The following SH3GL2 variants were observed in gnomAD, a reference collection of about 807,000 sequenced individuals.
SH3GL2 encodes the protein SH3 domain containing GRB2 like 2, endophilin A1.
A neutral mutation model predicts 46.0 loss-of-function variants in SH3GL2; 24 were observed. That is an observed-to-expected ratio of 0.52 (90% CI 0.38 to 0.73). SH3GL2 has a LOEUF of 0.73. Ranked by LOEUF, SH3GL2 falls within the 30% of genes least tolerant of loss-of-function variation. The pLI is 0.00. For missense variants in SH3GL2, 413 were observed against 424.2 expected (o/e 0.97, Z 0.23); for synonymous variants, 196 against 147.1 (o/e 1.33, Z -2.40).
At chr9:17,744,348 G>A (rs927236488) in intron 1 of SH3GL2, among the ~76,000 whole-genome samples, 3 of 151,680 alleles carry the variant, frequency 2.0e-5, no homozygotes, top group Non-Finnish European at 2.9e-5. Context: ...GAATATGCTC[G>A]TCAACTCACT....
At chr9:17,756,961 A>G (rs576179063) in intron 2 of SH3GL2, among the ~76,000 whole-genome samples, 10 of 152,218 alleles carry the variant, frequency 6.6e-5, no homozygotes, top group South Asian at 2.1e-4. Context: ...AAGTGTTCCT[A>G]TTTCTCCACA....
chr9:17,725,159 C>G (rs868074182), intron 1 of SH3GL2, among the ~76,000 whole-genome samples: 1 of 152,118 alleles, frequency 6.6e-6, no homozygotes, highest in Non-Finnish European at 1.5e-5. Flanking sequence ...TAAGGTTGTG[C>G]TTAAGCCCCT....
chr9:17,765,540 G>T (rs950095691), intron 3 of SH3GL2, among the ~76,000 whole-genome samples: 6 of 152,196 alleles, frequency 3.9e-5, no homozygotes, highest in African/African-American at 7.2e-5. Flanking sequence ...GTCATATTAT[G>T]TAAAACCCTT....
chr9:17,604,165 T>C (rs1431746325), intron 1 of SH3GL2, among the ~76,000 whole-genome samples: 1 of 152,056 alleles, frequency 6.6e-6, no homozygotes, highest in Non-Finnish European at 1.5e-5. Flanking sequence ...AGAAGTGAGG[T>C]ATTTACCCCC....
intron 1 of SH3GL2, among the ~76,000 whole-genome samples, chr9:17,723,400 T>G (rs893378190): frequency 5.3e-5 from 8 of 152,318 alleles, no homozygotes; most frequent in African/African-American, 1.9e-4. Context: ...GTTTATGAGC[T>G]GTTATTAATA....
chr9:17,764,327 C>T (rs940201939), intron 3 of SH3GL2, among the ~76,000 whole-genome samples: 7 of 152,326 alleles, frequency 4.6e-5, no homozygotes, highest in Admixed American at 4.6e-4. Flanking sequence ...CAGCTTCTTG[C>T]CCTGAGAGTA....
At chr9:17,674,347 A>G (rs1563806772) in intron 1 of SH3GL2, among the ~76,000 whole-genome samples, 1 of 151,828 alleles carries the variant, frequency 6.6e-6, no homozygotes, top group Non-Finnish European at 1.5e-5. Flanking sequence ...GCTCACTGAA[A>G]CCTCCGCCTC....
At chr9:17,785,231 C>T (rs953895925) in intron 3 of SH3GL2, among the ~76,000 whole-genome samples, 2 of 152,138 alleles carry the variant, frequency 1.3e-5, no homozygotes, top group African/African-American at 4.8e-5. Flanking sequence ...ATATCTGGGA[C>T]TCTCCTCAAT....
intron 3 of SH3GL2, among the ~76,000 whole-genome samples, chr9:17,772,737 T>G (rs978485824): frequency 1.3e-5 from 2 of 152,240 alleles, no homozygotes; most frequent in Admixed American, 1.3e-4. Flanking sequence ...TTATATAGAT[T>G]CACCTGTTGA....
intron 1 of SH3GL2, among the ~76,000 whole-genome samples, chr9:17,633,787 A>T (rs1819483963): frequency 6.6e-6 from 1 of 152,186 alleles, no homozygotes; most frequent in Non-Finnish European, 1.5e-5. Context: ...ATTTTGCTGT[A>T]TGTCCATTTG....
At chr9:17,603,429 G>A (rs1053725302) in intron 1 of SH3GL2, among the ~76,000 whole-genome samples, 8 of 152,194 alleles carry the variant, frequency 5.3e-5, no homozygotes, top group Non-Finnish European at 1.2e-4. Context: ...GGTACCTAGA[G>A]TAGTCAAATT....
chr9:17,728,926 C>A (rs1156350769), intron 1 of SH3GL2, among the ~76,000 whole-genome samples: 1 of 152,058 alleles, frequency 6.6e-6, no homozygotes, highest in Admixed American at 6.6e-5. Context: ...AATACTGTGG[C>A]AATAAATATA....
At chr9:17,779,540 C>T (rs1823739306) in intron 3 of SH3GL2, among the ~76,000 whole-genome samples, 2 of 152,026 alleles carry the variant, frequency 1.3e-5, no homozygotes, top group Non-Finnish European at 2.9e-5. Flanking sequence ...GTAATTGAAC[C>T]AAACCCACAG....
At chr9:17,699,074 G>A (rs1346155091) in intron 1 of SH3GL2, among the ~76,000 whole-genome samples, 1 of 145,906 alleles carries the variant, frequency 6.9e-6, no homozygotes, top group African/African-American at 2.5e-5. Flanking sequence ...GGAATCGCTT[G>A]AACCTCAGAG....
chr9:17,638,757 G>A (rs1172880323), intron 1 of SH3GL2, among the ~76,000 whole-genome samples: 1 of 152,184 alleles, frequency 6.6e-6, no homozygotes, highest in Non-Finnish European at 1.5e-5. Context: ...CCTCAGCTAA[G>A]CTGCCAACCT....
intron 1 of SH3GL2, among the ~76,000 whole-genome samples, chr9:17,622,651 C>T (rs1819170303): frequency 6.6e-6 from 1 of 152,088 alleles, no homozygotes; most frequent in South Asian, 2.1e-4. Flanking sequence ...TTGAACAGTA[C>T]CTGTGGTTTT....
At position 17,761,510 on chromosome 9, in the gene SH3GL2, GT is replaced by G; in HGVS notation, c.187+2del. On this transcript the variant is annotated splice_donor_variant, in intron 3 of 8. Transcript: ENST00000380607. LOFTEE classifies it high-confidence loss of function. Reference sequence around the variant, plus strand: ...ATTGAATACCTTCAACCCAATCCAGGTAAGGCATCATCTTATATGTTTAAAG... The same window carrying G: ...ATTGAATACCTTCAACCCAATCCAGGAAGGCATCATCTTATATGTTTAAAG... The G allele has an allele frequency of 6.4e-7, 1 of 1,555,220 alleles. No individual in the cohort carries two copies. Among genetic ancestry groups the G allele is most frequent in the South Asian group, 1.1e-5 (1 of 89,912 alleles).
chr9:17,705,570 C>T (rs1273986352), intron 1 of SH3GL2, among the ~76,000 whole-genome samples: 1 of 151,750 alleles, frequency 6.6e-6, no homozygotes, highest in Non-Finnish European at 1.5e-5. Flanking sequence ...CAACCTAAGT[C>T]GACTGGATAA....
intron 2 of SH3GL2, among the ~76,000 whole-genome samples, chr9:17,760,651 A>G (rs1315926787): frequency 6.6e-6 from 1 of 152,164 alleles, no homozygotes; most frequent in Non-Finnish European, 1.5e-5. Flanking sequence ...TACCTATGTC[A>G]TATATTACAT....
Sources: gnomAD v4.1 joint callset for allele counts (sites outside exome capture counted in the v4.1 genomes callset) on GRCh38, gnomAD v4.1.1 for gene constraint, MANE v1.5 for transcripts, NCBI Gene and HGNC (gene_info 2026-07-23, HGNC 2026-07-21) for gene names.